The following DLG2 variants were observed in gnomAD, a reference collection of about 807,000 sequenced individuals.
DLG2 encodes the protein disks large homolog 2.
Under a neutral mutation model 132.5 loss-of-function variants are expected in DLG2, and 45 were observed. The ratio of observed to expected loss-of-function variants is 0.34; its 90% CI spans 0.27 to 0.44. DLG2 has a LOEUF of 0.44. Ranked by LOEUF, DLG2 falls within the 20% of genes least tolerant of loss-of-function variation. The probability of loss-of-function intolerance (pLI) is 1.00; values close to 1 mark genes in which losing one functional copy is unlikely to be tolerated. For synonymous variants in DLG2, 424 were observed against 419.6 expected (o/e 1.01, Z -0.13); for missense variants, 1,045 against 1,196.9 (o/e 0.87, Z 1.87).
intron 15 of DLG2, among the ~76,000 whole-genome samples, chr11:83,889,966 G>T (rs1400203809): frequency 5.6e-4 from 66 of 118,770 alleles, no homozygotes; most frequent in African/African-American, 2.0e-3. Flanking sequence ...GTTGTGGGGT[G>T]GGGGGAGGGG....
chr11:83,697,140 G>C (rs1316226766), intron 18 of DLG2, among the ~76,000 whole-genome samples: 1 of 152,164 alleles, frequency 6.6e-6, no homozygotes, highest in Non-Finnish European at 1.5e-5. Context: ...TTCTGGGGAG[G>C]AGAAAGTAGA....
chr11:83,933,861 G>T (rs1376327232), intron 14 of DLG2, among the ~76,000 whole-genome samples: 3 of 152,226 alleles, frequency 2.0e-5, no homozygotes, highest in African/African-American at 7.2e-5. Context: ...AGGCCATTTG[G>T]ATTCTCCTAT....
intron 6 of DLG2, among the ~76,000 whole-genome samples, chr11:84,677,854 A>T (rs2153702252): frequency 6.6e-6 from 1 of 152,164 alleles, no homozygotes; most frequent in South Asian, 2.1e-4. Flanking sequence ...GCCCTACTGC[A>T]CTCCAACTTG....
Position 84,577,316 on chromosome 11 carries a change from G to C in DLG2, c.358-42585C>G, listed in dbSNP as rs545330487. The stretch of plus-strand genomic sequence containing the variant: ...AAAATGTGTAAGCCACTTTGGAGCT[G>C]GCTAACAGGCAGAGGTTGGAACAGT... On this transcript the variant is annotated intron_variant, in intron 6 of 27. Coordinates refer to ENST00000376104, the MANE Select transcript of DLG2 (RefSeq NM_001142699.3). 1.2e-4 allele frequency among the ~76,000 whole-genome samples: 18 copies of C among 152,302 alleles called. 1 individual carries two copies. The South Asian group carries it at 3.7e-3, about 32-fold the overall frequency.
intron 6 of DLG2, among the ~76,000 whole-genome samples, chr11:84,902,652 T>A (rs2091031066): frequency 6.6e-6 from 1 of 152,150 alleles, no homozygotes; most frequent in Non-Finnish European, 1.5e-5. Flanking sequence ...ATAGTGATGA[T>A]GGCCAGATGT....
At chr11:84,988,150 G>A (rs903852957) in intron 6 of DLG2, among the ~76,000 whole-genome samples, 4 of 152,070 alleles carry the variant, frequency 2.6e-5, no homozygotes, top group Admixed American at 6.6e-5. Context: ...AATGCTCAAC[G>A]TCACTAATGA....
At chr11:84,951,565 A>T (rs748250424) in intron 6 of DLG2, among the ~76,000 whole-genome samples, 1 of 151,352 alleles carries the variant, frequency 6.6e-6, no homozygotes, top group Non-Finnish European at 1.5e-5. Flanking sequence ...ATAAGTCCTC[A>T]TATGTACATG....
At chr11:85,094,270 G>A (rs2069354887) in intron 6 of DLG2, among the ~76,000 whole-genome samples, 1 of 152,172 alleles carries the variant, frequency 6.6e-6, no homozygotes, top group Non-Finnish European at 1.5e-5. Context: ...TGGTAATTAA[G>A]CAGTGGCTTA....
chr11:84,234,974 C>T (rs749569759), intron 8 of DLG2, among the ~76,000 whole-genome samples: 2 of 152,186 alleles, frequency 1.3e-5, no homozygotes, highest in Non-Finnish European at 2.9e-5. Flanking sequence ...TGATAAGAAA[C>T]ATTTACAATC....
intron 6 of DLG2, among the ~76,000 whole-genome samples, chr11:84,569,681 G>C (rs977234754): frequency 6.6e-5 from 10 of 152,198 alleles, no homozygotes; most frequent in Non-Finnish European, 1.5e-4. Flanking sequence ...TCTGAGAAGA[G>C]AGGTTATATT....
At chr11:85,404,656 A>G (rs2088539507) in intron 3 of DLG2, among the ~76,000 whole-genome samples, 2 of 151,974 alleles carry the variant, frequency 1.3e-5, no homozygotes, top group African/African-American at 4.8e-5. Context: ...TATGAAACCA[A>G]GAGAAAAGAG....
rs530215351 is a variant in DLG2, at chr11:85,442,123, A to G, written c.40+156534T>C. 5.9e-5 allele frequency among the ~76,000 whole-genome samples: 9 copies of G among 152,320 alleles called. 1 individual carries two copies. Among genetic ancestry groups the G allele is most frequent in the African/African-American group, 2.2e-4 (9 of 41,570 alleles). On this transcript the variant is annotated intron_variant, in intron 3 of 27. Transcript: ENST00000376104. ...GAAGTCGGAAAGCTCCATAGAGAAT[A>G]TATTATGTATATCTTTACAGAACAT...
intron 6 of DLG2, among the ~76,000 whole-genome samples, chr11:84,573,481 T>C (rs976633256): frequency 1.3e-5 from 2 of 152,168 alleles, no homozygotes; most frequent in Middle Eastern, 3.4e-3. Context: ...ATAAATAGGA[T>C]ACCAAAAAGG....
At chr11:85,447,023 G>T (rs2092041618) in intron 3 of DLG2, among the ~76,000 whole-genome samples, 1 of 152,050 alleles carries the variant, frequency 6.6e-6, no homozygotes, top group South Asian at 2.1e-4. Flanking sequence ...TTGGTCATAA[G>T]TTGAAAATAT....
At chr11:85,567,687 T>A (rs2077603535) in intron 3 of DLG2, among the ~76,000 whole-genome samples, 1 of 152,180 alleles carries the variant, frequency 6.6e-6, no homozygotes, top group Non-Finnish European at 1.5e-5. Flanking sequence ...AGAGCAAACA[T>A]CCTCATCTTA....
chr11:84,040,302 A>G (rs1244964439), intron 11 of DLG2, among the ~76,000 whole-genome samples: 1 of 152,040 alleles, frequency 6.6e-6, no homozygotes, highest in Non-Finnish European at 1.5e-5. Flanking sequence ...GCCCATGCCT[A>G]TGTCCTGAAT....
intron 6 of DLG2, among the ~76,000 whole-genome samples, chr11:84,972,282 G>A (rs993888974): frequency 6.6e-6 from 1 of 152,020 alleles, no homozygotes; most frequent in Non-Finnish European, 1.5e-5. Context: ...TGAAGGAATT[G>A]TTTTACATTT....
intron 6 of DLG2, among the ~76,000 whole-genome samples, chr11:85,094,062 A>C (rs2069309125): frequency 6.6e-6 from 1 of 152,232 alleles, no homozygotes; most frequent in Non-Finnish European, 1.5e-5. Flanking sequence ...TCAAGATTTC[A>C]ACTTTAGGAT....
chr11:84,774,660 C>G (rs1304934375), intron 6 of DLG2, among the ~76,000 whole-genome samples: 1 of 152,094 alleles, frequency 6.6e-6, no homozygotes, highest in Non-Finnish European at 1.5e-5. Flanking sequence ...GCCACCTGCT[C>G]TTGACAAAGT....
Sources: gnomAD v4.1 joint callset for allele counts (sites outside exome capture counted in the v4.1 genomes callset) on GRCh38, gnomAD v4.1.1 for gene constraint, MANE v1.5 for transcripts, NCBI Gene and HGNC (gene_info 2026-07-23, HGNC 2026-07-21) for gene names.